PREPL: variants seen among roughly 807,000 people sequenced by gnomAD.
PREPL encodes prolyl endopeptidase-like.
PREPL carries 77 observed loss-of-function variants against 70.6 expected under a neutral mutation model. That is an observed-to-expected ratio of 1.09 (90% confidence interval 0.91 to 1.32). The LOEUF (loss-of-function observed/expected upper bound fraction) is 1.32, where lower values mean the gene tolerates loss of function less well. Ranked by LOEUF, PREPL falls within the 40% of genes most tolerant of loss-of-function variation. The pLI is 0.00. For synonymous variants in PREPL, 315 were observed against 264.8 expected (o/e 1.19, Z -1.84); for missense variants, 1,002 against 778.2 (o/e 1.29, Z -3.42).
chr2:44,317,751 C>CAACAAAAAGCTTAATAGAAAA lies in PREPL; in HGVS notation c.*3584_*3604dup, dbSNP rs1410841023. On this transcript the variant is annotated 3_prime_UTR_variant, in exon 14 of 14. Coordinates refer to ENST00000409411, the MANE Select transcript of PREPL (RefSeq NM_001171613.2). ...GAAGAAAAAAATTATACAGTCAATC[C>CAACAAAAAGCTTAATAGAAAA]AACAAAAAGCTTAATAGAAAAAAAC... 6.6e-6 allele frequency: 1 copy of CAACAAAAAGCTTAATAGAAAA among 151,376 alleles called. No individual in the cohort carries two copies. Among genetic ancestry groups the CAACAAAAAGCTTAATAGAAAA allele is most frequent in the Non-Finnish European group, 1.5e-5 (1 of 67,950 alleles). 9.4% of individuals were successfully genotyped at this position (151,376 alleles called of 1,614,324 possible).
intron 9 of PREPL, among the ~76,000 whole-genome samples, chr2:44,327,439 G>C (rs957498530): frequency 3.9e-5 from 6 of 152,198 alleles, no homozygotes; most frequent in Admixed American, 1.3e-4. Context: ...CTTTTAAGGA[G>C]ATGATGCCTA....
Position 44,320,420 on chromosome 2 carries a change from C to A in PREPL, c.*936G>T. ...TAAATCTACATAATATGATTTCGGG[C>A]CTTCCCGCTAAAATGAGAATAAGGT... On this transcript the variant is annotated 3_prime_UTR_variant, in exon 14 of 14. Transcript: ENST00000409411. 3 of 1,613,944 alleles carry A rather than the reference C, an allele frequency of 1.9e-6. No individual in the cohort carries two copies. Among genetic ancestry groups the A allele is most frequent in the Non-Finnish European group, 8.5e-7 (1 of 1,179,874 alleles).
rs1220898344 is a variant in PREPL at position 44,321,158 on chromosome 2, A to G, written c.*198T>C. ...GATTTGAAAATTACTTTCCTAGGTT[A>G]ATGGGCATGTGCATCAATGGAGAGA... On this transcript the variant is annotated 3_prime_UTR_variant, in exon 14 of 14. Coordinates refer to ENST00000409411, the MANE Select transcript of PREPL (RefSeq NM_001171613.2). The G allele has an allele frequency of 1.8e-6, 1 of 564,732 alleles. No homozygotes were observed. Among genetic ancestry groups the G allele is most frequent in the African/African-American group, 1.9e-5 (1 of 52,906 alleles). 35.0% of individuals were successfully genotyped at this position (564,732 alleles called of 1,614,324 possible).
intron 1 of PREPL, chr2:44,360,601 G>A (rs1454814351): frequency 2.6e-5 from 4 of 152,182 alleles, no homozygotes; most frequent in East Asian, 3.8e-4. Flanking sequence ...CTAATAAGTA[G>A]TTAAGAGTCA....
At chr2:44,357,749 T>C (rs1677202036) in intron 1 of PREPL, among the ~76,000 whole-genome samples, 1 of 152,172 alleles carries the variant, frequency 6.6e-6, no homozygotes, top group African/African-American at 2.4e-5. Context: ...AAGTACGACA[T>C]GACAAAATGT....
Position 44,336,185 on chromosome 2 carries a change from C to T in PREPL, c.888+2166G>A, listed in dbSNP as rs766526957. On this transcript the variant is annotated intron_variant, in intron 7 of 13. Coordinates refer to ENST00000409411, the MANE Select transcript of PREPL (RefSeq NM_001171613.2). Reference sequence around the variant, plus strand: ...AAAACAGAACTACTATTTGACTCAGCAATCCCATTATTGGATATATAACCA... The same window carrying T: ...AAAACAGAACTACTATTTGACTCAGTAATCCCATTATTGGATATATAACCA... Among the ~76,000 whole-genome samples the T allele has an allele frequency of 9.8e-4, 149 of 152,222 alleles. 1 individual carries two copies. The highest frequency in any genetic ancestry group is 1.8e-3 in the Non-Finnish European group (120 of 68,044).
At chr2:44,338,205 AAG>A in intron 7 of PREPL, 144 bp downstream of exon 7, 1 of 767,388 alleles carries the variant, frequency 1.3e-6, no homozygotes, top group South Asian at 1.9e-5. Context: ...TCCTAAACCC[AAG>A]AGTGACTTTG....
intron 9 of PREPL, among the ~76,000 whole-genome samples, chr2:44,328,550 G>C (rs1011230707): frequency 6.6e-6 from 1 of 151,988 alleles, no homozygotes; most frequent in African/African-American, 2.4e-5. Flanking sequence ...CTAGAGATGG[G>C]GAGGTGGAGA....
chr2:44,361,191 C>G (rs185482514), intron 1 of PREPL, among the ~76,000 whole-genome samples, 189 bp downstream of exon 1: 13 of 152,260 alleles, frequency 8.5e-5, no homozygotes, highest in African/African-American at 2.6e-4. Context: ...AGAACCTATT[C>G]GTTTACCCCG....
At chr2:44,348,257 T>C (rs1416438122) in intron 1 of PREPL, among the ~76,000 whole-genome samples, 1 of 152,192 alleles carries the variant, frequency 6.6e-6, no homozygotes, top group African/African-American at 2.4e-5. Context: ...TTATTTTTCA[T>C]TCATTTTTAA....
At chr2:44,344,420 T>TA (rs1675559494) in intron 3 of PREPL, 100 bp downstream of exon 3, 2 of 945,238 alleles carry the variant, frequency 2.1e-6, no homozygotes, top group South Asian at 2.0e-5. Context: ...AAATAATCTT[T>TA]AAAAAAATCT....
At chr2:44,359,021 T>C (rs1197309102) in intron 1 of PREPL, among the ~76,000 whole-genome samples, 4 of 151,640 alleles carry the variant, frequency 2.6e-5, no homozygotes, top group African/African-American at 9.7e-5. Flanking sequence ...TTTATAAACC[T>C]ACATTTTTAT....
rs75848609 is a variant in PREPL, at chr2:44,324,482, T to A, written c.1480-1071A>T. Among the ~76,000 whole-genome samples, 392 of 152,234 alleles carry A rather than the reference T, an allele frequency of 2.6e-3. 1 individual carries two copies. The highest frequency in any genetic ancestry group is 3.4e-3 in the Non-Finnish European group (230 of 68,000). On this transcript the variant is annotated intron_variant, in intron 10 of 13. Transcript: ENST00000409411. The stretch of plus-strand genomic sequence containing the variant: ...TTTTTGACCAGTTGGACATTTTATA[T>A]TAAAAGCAAAAAACGCTAAGTAAAG...
intron 5 of PREPL, 105 bp from the exon 6 acceptor site, chr2:44,339,468 T>C (rs1472377656): frequency 3.5e-6 from 5 of 1,434,394 alleles, no homozygotes; most frequent in Non-Finnish European, 2.8e-6. Context: ...TGATTTATAA[T>C]GCAGATAGGA....
intron 5 of PREPL, among the ~76,000 whole-genome samples, chr2:44,339,776 G>A (rs1297729096): frequency 6.6e-6 from 1 of 152,094 alleles, no homozygotes; most frequent in African/African-American, 2.4e-5. Context: ...GCTTTTTGCT[G>A]AGAAGAGGAA....
chr2:44,347,084 A>G (rs1675906458), intron 1 of PREPL: 1 of 152,290 alleles, frequency 6.6e-6, no homozygotes, highest in Admixed American at 6.5e-5. Flanking sequence ...TAACCCCAGC[A>G]TTTTGGGAGG....
At chr2:44,354,120 C>T (rs1170703011) in intron 1 of PREPL, among the ~76,000 whole-genome samples, 3 of 152,124 alleles carry the variant, frequency 2.0e-5, no homozygotes, top group South Asian at 2.1e-4. Context: ...TGTGCCTCTG[C>T]ACTCCAGCCT....
intron 9 of PREPL, 37 bp downstream of exon 9, chr2:44,328,900 C>A: frequency 1.3e-6 from 2 of 1,575,238 alleles, no homozygotes; most frequent in South Asian, 2.3e-5. Context: ...TCACAATGGT[C>A]TAGCACTTAC....
chr2:44,329,137 T>A (rs758748479), intron 8 of PREPL, 25 bp from the exon 9 acceptor site: 1 of 1,540,380 alleles, frequency 6.5e-7, no homozygotes, highest in Admixed American at 1.8e-5. Flanking sequence ...TTACTATGTA[T>A]GTAAAGAAGA....
Sources: allele counts gnomAD v4.1 joint callset (sites outside exome capture counted in the v4.1 genomes callset), GRCh38; gene constraint gnomAD v4.1.1; transcripts MANE v1.5; gene names NCBI Gene and HGNC (gene_info 2026-07-23, HGNC 2026-07-21).